SAMD12: variants seen among roughly 807,000 people sequenced by gnomAD.
SAMD12 encodes sterile alpha motif domain containing 12.
SAMD12 carries 9 observed loss-of-function variants against 15.0 expected under a neutral mutation model. The observed-to-expected ratio is 0.60, with a 90% confidence interval of 0.36 to 1.05. SAMD12 has a LOEUF of 1.05. Ranked by LOEUF, SAMD12 falls within the 50% of genes least tolerant of loss-of-function variation. The pLI, the probability that SAMD12 is intolerant of heterozygous loss-of-function variation, is 0.01. For synonymous variants in SAMD12, 86 were observed against 90.1 expected (o/e 0.96, Z 0.25); for missense variants, 230 against 234.2 (o/e 0.98, Z 0.12).
At chr8:118,548,297 G>A (rs1405998336) in intron 2 of SAMD12, among the ~76,000 whole-genome samples, 1 of 151,764 alleles carries the variant, frequency 6.6e-6, no homozygotes, top group Non-Finnish European at 1.5e-5. Context: ...GGCTCCAGTG[G>A]GGTAATAGAT....
At chr8:118,217,038 T>A (rs1381240330) in intron 4 of SAMD12, among the ~76,000 whole-genome samples, 1 of 152,178 alleles carries the variant, frequency 6.6e-6, no homozygotes, top group Non-Finnish European at 1.5e-5. Flanking sequence ...GGAGTCTCGC[T>A]CTGTCACCAG....
intron 3 of SAMD12, among the ~76,000 whole-genome samples, chr8:118,407,639 G>A (rs1457861193): frequency 1.3e-5 from 2 of 152,060 alleles, no homozygotes; most frequent in African/African-American, 2.4e-5. Context: ...CCTCCTCTTT[G>A]ACAAATGTCA....
intron 4 of SAMD12, among the ~76,000 whole-genome samples, chr8:118,347,818 G>A (rs1817742366): frequency 6.6e-6 from 1 of 152,120 alleles, no homozygotes; most frequent in Non-Finnish European, 1.5e-5. Context: ...AGCTCTTACT[G>A]TGTGTTAAGA....
intron 1 of SAMD12, among the ~76,000 whole-genome samples, chr8:118,600,586 C>T (rs1245365222): frequency 2.0e-5 from 3 of 152,158 alleles, no homozygotes. Context: ...GCACTATATT[C>T]CCCTCTTCCA....
chr8:118,516,729 C>T (rs1017087087), intron 2 of SAMD12, among the ~76,000 whole-genome samples: 21 of 151,546 alleles, frequency 1.4e-4, no homozygotes, highest in Non-Finnish European at 2.5e-4. Flanking sequence ...ACCTCCGCCT[C>T]CTGGGTTTAA....
intron 4 of SAMD12, among the ~76,000 whole-genome samples, chr8:118,266,074 G>A (rs896557094): frequency 6.6e-6 from 1 of 152,116 alleles, no homozygotes; most frequent in Non-Finnish European, 1.5e-5. Context: ...AGGGGAAAGA[G>A]GCATGTCTTA....
At position 118,596,851 on chromosome 8, in the gene SAMD12, T is replaced by C. The variant is rs527459900; in HGVS notation, c.14-15958A>G. ...GCAGAGAAGACAGATATCACACAAA[T>C]AGCAGGGTTTCAGGTACTCTAAATT... On this transcript the variant is annotated intron_variant, in intron 1 of 3. Transcript: ENST00000314727. Among the ~76,000 whole-genome samples, 4 of 152,242 alleles carry C rather than the reference T, an allele frequency of 2.6e-5. No individual in the cohort carries two copies. The East Asian group carries it at 7.7e-4, about 29-fold the overall frequency.
the SAMD12 span, among the ~76,000 whole-genome samples, chr8:118,177,026 G>A: frequency 6.6e-6 from 1 of 152,174 alleles, no homozygotes; most frequent in African/African-American, 2.4e-5. Flanking sequence ...TGGTGATGCA[G>A]TGCATAAGCC....
intron 4 of SAMD12, among the ~76,000 whole-genome samples, chr8:118,247,995 A>G (rs1812736151): frequency 6.6e-6 from 1 of 152,162 alleles, no homozygotes; most frequent in Non-Finnish European, 1.5e-5. Flanking sequence ...AAATGGTGCC[A>G]GACAGTCACA....
Position 118,621,875 on chromosome 8 carries a change from C to A in SAMD12, c.-59G>T. ...TCTTGGCCGAGGTACTCCTCCTGCC[C>A]CGCGCTCCCCCCTTCCTCTCGCTTT... On this transcript the variant is annotated 5_prime_UTR_variant, in exon 1 of 4. Transcript: ENST00000314727. 1 of 1,570,308 alleles carries A rather than the reference C, an allele frequency of 6.4e-7. No homozygotes were observed. The highest frequency in any genetic ancestry group is 8.8e-7 in the Non-Finnish European group (1 of 1,140,118).
chr8:118,558,534 G>A (rs866054285), intron 2 of SAMD12, among the ~76,000 whole-genome samples: 1 of 152,054 alleles, frequency 6.6e-6, no homozygotes, highest in African/African-American at 2.4e-5. Flanking sequence ...CAGTGACACT[G>A]AGCTAAGACT....
intron 4 of SAMD12, among the ~76,000 whole-genome samples, chr8:118,198,672 A>C (rs1405757444): frequency 6.6e-6 from 1 of 152,236 alleles, no homozygotes; most frequent in Non-Finnish European, 1.5e-5. Context: ...TTTGATTAAC[A>C]TTTGCTATTT....
In SAMD12 at chr8:118,534,077, G is replaced by T. The variant is rs547568732; in HGVS notation, c.192+46638C>A. ...ATTTGGCATGTTTTTGCAGTGGCTG[G>T]TACTGGTTGTTCCTTTCCATGTTTA... On this transcript the variant is annotated intron_variant, in intron 2 of 3. Transcript: ENST00000314727. 7.2e-3 allele frequency among the ~76,000 whole-genome samples: 1,090 copies of T among 152,296 alleles called. 9 individuals carry two copies. Among genetic ancestry groups the T allele is most frequent in the Non-Finnish European group, 0.01 (694 of 68,030 alleles).
At chr8:118,463,912 C>A (rs1208917528) in intron 2 of SAMD12, among the ~76,000 whole-genome samples, 1 of 152,044 alleles carries the variant, frequency 6.6e-6, no homozygotes, top group Non-Finnish European at 1.5e-5. Flanking sequence ...AATTATAGGG[C>A]CTTAATTAGA....
intron 1 of SAMD12, among the ~76,000 whole-genome samples, chr8:118,611,697 A>G (rs1455706273): frequency 6.6e-6 from 1 of 152,244 alleles, no homozygotes; most frequent in Non-Finnish European, 1.5e-5. Context: ...TGAAATGTTC[A>G]CATTTCCAAC....
the SAMD12 span, among the ~76,000 whole-genome samples, chr8:118,155,030 C>T: frequency 6.6e-6 from 1 of 152,182 alleles, no homozygotes; most frequent in African/African-American, 2.4e-5. Flanking sequence ...AGACTGCTCA[C>T]ACTATAATTA....
chr8:118,590,564 A>G (rs1177278632), intron 1 of SAMD12, among the ~76,000 whole-genome samples: 1 of 152,268 alleles, frequency 6.6e-6, no homozygotes, highest in Non-Finnish European at 1.5e-5. Context: ...CCTTTCAGGT[A>G]TCAACTGAGA....
chr8:118,146,756 T>C, the SAMD12 span, among the ~76,000 whole-genome samples: 7 of 152,140 alleles, frequency 4.6e-5, no homozygotes, highest in Non-Finnish European at 8.8e-5. Flanking sequence ...CGAGCCACAC[T>C]GGGTTTTGAG....
chr8:118,311,734 T>A (rs1047016129), intron 4 of SAMD12, among the ~76,000 whole-genome samples: 2 of 152,202 alleles, frequency 1.3e-5, no homozygotes, highest in African/African-American at 2.4e-5. Context: ...AGCACACCCA[T>A]CCTTCTCAGA....
Sources: gnomAD v4.1 joint callset for allele counts (sites outside exome capture counted in the v4.1 genomes callset) on GRCh38, gnomAD v4.1.1 for gene constraint, MANE v1.5 for transcripts, NCBI Gene and HGNC (gene_info 2026-07-23, HGNC 2026-07-21) for gene names.